The following SERPINE2 variants were observed in gnomAD, a reference collection of about 807,000 sequenced individuals.
SERPINE2 encodes serpin family E member 2, also known as glia-derived nexin.
A neutral mutation model predicts 36.3 loss-of-function variants in SERPINE2; 14 were observed. The ratio of observed to expected loss-of-function variants is 0.39; its 90% CI spans 0.25 to 0.60. The LOEUF (loss-of-function observed/expected upper bound fraction) is 0.60. Among genes scored for constraint, SERPINE2 ranks in the 20% least tolerant of loss-of-function variants. The pLI is 0.57. For synonymous variants in SERPINE2, 192 were observed against 191.8 expected (o/e 1.00, Z -0.01); for missense variants, 418 against 499.6 (o/e 0.84, Z 1.56).
chr2:224,004,427 C>A (rs549769154), intron 1 of SERPINE2, among the ~76,000 whole-genome samples: 1 of 152,188 alleles, frequency 6.6e-6, no homozygotes, highest in Non-Finnish European at 1.5e-5. Context: ...CAACTCAGCC[C>A]GTCTAAATTC....
chr2:223,996,681 A>C (rs1379957862), intron 3 of SERPINE2, among the ~76,000 whole-genome samples: 2 of 152,212 alleles, frequency 1.3e-5, no homozygotes, highest in South Asian at 2.1e-4. Context: ...ATGCAGGGAC[A>C]CCAGTAACCA....
Position 223,995,519 on chromosome 2 carries a change from C to T in SERPINE2, c.487+2596G>A, listed in dbSNP as rs114466908. On this transcript the variant is annotated intron_variant, in intron 3 of 8. Transcript: ENST00000409304. ...CTCCCGTGGCTTTTCAATACCCCACCGGATCTCTGCATTGGTAGGACACCT... is the reference window on the plus strand; with the variant it reads ...CTCCCGTGGCTTTTCAATACCCCACTGGATCTCTGCATTGGTAGGACACCT... Among the ~76,000 whole-genome samples the T allele has an allele frequency of 4.3e-3, 653 of 152,328 alleles. 9 individuals are homozygous for T. The highest frequency in any genetic ancestry group is 0.015 in the African/African-American group (622 of 41,570).
chr2:223,982,885 G>T, intron 5 of SERPINE2, 104 bp from the exon 6 acceptor site: 1 of 733,802 alleles, frequency 1.4e-6, no homozygotes, highest in Non-Finnish European at 2.2e-6. Context: ...GTTAATATCT[G>T]AATACCGATC....
At chr2:224,011,584 G>A (rs1691623832) in intron 1 of SERPINE2, among the ~76,000 whole-genome samples, 1 of 152,166 alleles carries the variant, frequency 6.6e-6, no homozygotes, top group Non-Finnish European at 1.5e-5. Flanking sequence ...ATTCAGAGAC[G>A]AGAAACTAAC....
intron 7 of SERPINE2, chr2:223,978,605 A>G (rs1690106120): frequency 6.6e-6 from 1 of 152,182 alleles, no homozygotes. Flanking sequence ...CCAGGGCCTC[A>G]CGGGAGGGTA....
chr2:223,995,790 T>C (rs2106156106), intron 3 of SERPINE2, among the ~76,000 whole-genome samples: 1 of 152,368 alleles, frequency 6.6e-6, no homozygotes, highest in South Asian at 2.1e-4. Context: ...CTCATGTTTA[T>C]GAGTCACCAG....
In SERPINE2 at chr2:223,982,905, T is replaced by A. The variant is rs1438091487; in HGVS notation, c.885-124A>T. The A allele has an allele frequency of 4.7e-6, 3 of 631,994 alleles. No individual in the cohort carries two copies. The South Asian group carries it at 7.1e-5, about 15-fold the overall frequency. 39.1% of individuals were successfully genotyped at this position (631,994 alleles called of 1,614,324 possible). A position where few individuals can be genotyped will look rare whatever the true frequency, so the allele number is the denominator to read the frequency against. On this transcript the variant is annotated intron_variant, in intron 5 of 8. Transcript: ENST00000409304. ...TATCTGAATACCGATCTGAATTGCATCTTAAATTTGAATTCCAAATTTAAA... is the reference window on the plus strand; with the variant it reads ...TATCTGAATACCGATCTGAATTGCAACTTAAATTTGAATTCCAAATTTAAA...
chr2:224,036,758 G>A (rs905618268), intron 1 of SERPINE2, among the ~76,000 whole-genome samples: 4 of 152,146 alleles, frequency 2.6e-5, no homozygotes, highest in Non-Finnish European at 4.4e-5. Context: ...AAGAAGCCTG[G>A]AGAGACGTGG....
At chr2:224,025,834 G>A (rs564694165) in intron 1 of SERPINE2, among the ~76,000 whole-genome samples, 3 of 152,092 alleles carry the variant, frequency 2.0e-5, no homozygotes, top group East Asian at 1.9e-4. Context: ...ATATATTGAC[G>A]ATCCACACAG....
At chr2:224,005,894 C>T (rs181864810) in intron 1 of SERPINE2, among the ~76,000 whole-genome samples, 13 of 152,314 alleles carry the variant, frequency 8.5e-5, no homozygotes, top group Admixed American at 5.9e-4. Flanking sequence ...GTAGAGCCAT[C>T]GCCACAGGCA....
At chr2:223,983,959 T>C (rs1690328933) in intron 5 of SERPINE2, among the ~76,000 whole-genome samples, 1 of 94,646 alleles carries the variant, frequency 1.1e-5, no homozygotes, top group South Asian at 3.4e-4. Flanking sequence ...ACTTGAAGGC[T>C]TATTTTACAA....
chr2:223,997,166 T>C (rs1234878552), intron 3 of SERPINE2, among the ~76,000 whole-genome samples: 1 of 152,200 alleles, frequency 6.6e-6, no homozygotes, highest in South Asian at 2.1e-4. Context: ...TCCTCCTGCA[T>C]GTTTCCAACT....
chr2:223,998,394 G>C (rs1413118375), intron 2 of SERPINE2, 52 bp from the exon 3 acceptor site: 16 of 1,455,116 alleles, frequency 1.1e-5, no homozygotes, highest in Non-Finnish European at 1.5e-5. Context: ...ATCTAGAAAA[G>C]TTTTTAAAAT....
intron 3 of SERPINE2, among the ~76,000 whole-genome samples, chr2:223,993,763 C>T (rs1690771044): frequency 6.6e-6 from 1 of 152,104 alleles, no homozygotes; most frequent in African/African-American, 2.4e-5. Context: ...ACTGAAGTTT[C>T]CCACAGCGTG....
intron 1 of SERPINE2, among the ~76,000 whole-genome samples, chr2:224,031,774 T>G (rs2106203461): frequency 1.2e-5 from 1 of 82,776 alleles, no homozygotes. Context: ...CCCCGCCGGC[T>G]GGAACTGGCT....
At chr2:223,994,377 G>A (rs1690794135) in intron 3 of SERPINE2, among the ~76,000 whole-genome samples, 1 of 152,094 alleles carries the variant, frequency 6.6e-6, no homozygotes, top group Non-Finnish European at 1.5e-5. Flanking sequence ...TATAATAAGG[G>A]GACATGAAGA....
At chr2:224,006,012 T>C (rs907932708) in intron 1 of SERPINE2, among the ~76,000 whole-genome samples, 1 of 152,222 alleles carries the variant, frequency 6.6e-6, no homozygotes, top group Non-Finnish European at 1.5e-5. Flanking sequence ...AGCTGGGTAC[T>C]GCTTTGAGTT....
chr2:224,023,629 A>G (rs1039362298), intron 1 of SERPINE2, among the ~76,000 whole-genome samples: 19 of 152,260 alleles, frequency 1.2e-4, no homozygotes, highest in African/African-American at 4.3e-4. Context: ...TTCAGAAGAA[A>G]TAAAACAGAG....
chr2:223,980,016 T>C (rs185870548), intron 7 of SERPINE2: 129 of 244,856 alleles, frequency 5.3e-4, no homozygotes, highest in African/African-American at 2.6e-3. Context: ...GTAATGGAGA[T>C]GGTATGACAC....
Sources: allele counts gnomAD v4.1 joint callset (sites outside exome capture counted in the v4.1 genomes callset), GRCh38; gene constraint gnomAD v4.1.1; transcripts MANE v1.5; gene names NCBI Gene and HGNC (gene_info 2026-07-23, HGNC 2026-07-21).